PHEX: variants seen among roughly 807,000 people sequenced by gnomAD.
The protein encoded by PHEX is phosphate regulating endopeptidase X-linked, also known as phosphate-regulating neutral endopeptidase PHEX.
Under a neutral mutation model 68.0 loss-of-function variants are expected in PHEX, and 16 were observed. The ratio of observed to expected loss-of-function variants is 0.24; its 90% CI spans 0.16 to 0.36. The LOEUF (loss-of-function observed/expected upper bound fraction) is 0.36, where lower values mean the gene tolerates loss of function less well. PHEX is among the 10% of genes least tolerant of loss of function. PHEX has a pLI of 1.00. For missense variants in PHEX, 480 were observed against 575.5 expected (o/e 0.83, Z 1.70); for synonymous variants, 208 against 205.1 (o/e 1.01, Z -0.12).
At chrX:22,247,704 T>C in intron 21 of PHEX, 147 bp from the exon 22 acceptor site, 1 of 484,065 alleles carries the variant, frequency 2.1e-6, no homozygotes. Context: ...GGAAATTTAC[T>C]TAATCATTTT....
intron 5 of PHEX, among the ~76,000 whole-genome samples, chrX:22,087,130 A>G (rs1245425158): frequency 8.9e-6 from 1 of 112,239 alleles, no homozygotes; most frequent in Admixed American, 9.5e-5. Context: ...AATTATCTAA[A>G]CTTTTACAAT....
chrX:22,237,304 A>T (rs1569439131), intron 20 of PHEX, among the ~76,000 whole-genome samples: 1 of 112,199 alleles, frequency 8.9e-6, no homozygotes. Context: ...AAGGGATCGC[A>T]TTACAAAACA....
intron 20 of PHEX, among the ~76,000 whole-genome samples, chrX:22,241,418 AC>A (rs891252079): frequency 1.8e-5 from 2 of 111,824 alleles, no homozygotes; most frequent in African/African-American, 6.5e-5. Flanking sequence ...ACAAGAAATA[AC>A]TAAGATCAGA....
At chrX:22,128,494 A>G (rs1190870131) in intron 11 of PHEX, among the ~76,000 whole-genome samples, 1 of 111,102 alleles carries the variant, frequency 9.0e-6, no homozygotes, top group Non-Finnish European at 1.9e-5. Flanking sequence ...ACTCAGCCCC[A>G]TTTTAATAAT....
chrX:22,099,057 C>T lies in PHEX; in HGVS notation c.985C>T (p.His329Tyr), dbSNP rs1455114766. 3.3e-6 allele frequency: 4 copies of T among 1,207,990 alleles called. No homozygotes were observed. Among genetic ancestry groups the T allele is most frequent in the Non-Finnish European group, 4.5e-6 (4 of 892,142 alleles). ...GGTCATTGACACCAGACTCTACCCC[C>T]ATCTGAAAGACATCAGCCCCTCCGA... ...KKVIDTRLYP[H>Y]LKDISPSENV... is the part of the protein sequence containing the mutation. The change falls in exon 9 of 22, where the codon CAT becomes TAT. Residue 329 changes from histidine (H) to tyrosine (Y), a missense_variant. Transcript: ENST00000379374.
intron 5 of PHEX, among the ~76,000 whole-genome samples, chrX:22,084,301 A>T (rs1220379093): frequency 1.8e-5 from 2 of 111,260 alleles, no homozygotes; most frequent in Non-Finnish European, 3.8e-5. Flanking sequence ...ATGTCTATTG[A>T]TTTGTGTATG....
At chrX:22,177,377 A>G (rs1163072882) in intron 13 of PHEX, among the ~76,000 whole-genome samples, 2 of 111,267 alleles carry the variant, frequency 1.8e-5, no homozygotes, top group African/African-American at 6.5e-5. Flanking sequence ...CTTAATTTCC[A>G]TAGTAATATA....
At chrX:22,114,294 AT>A (rs1243522084) in intron 10 of PHEX, among the ~76,000 whole-genome samples, 163 bp from the exon 11 acceptor site, 5 of 110,864 alleles carry the variant, frequency 4.5e-5, no homozygotes, top group Non-Finnish European at 9.4e-5. Context: ...GACAAGCAGA[AT>A]TTTTTTCTTC....
At chrX:22,229,045 T>C (rs1391886089) in intron 20 of PHEX, among the ~76,000 whole-genome samples, 1 of 111,886 alleles carries the variant, frequency 8.9e-6, no homozygotes, top group Non-Finnish European at 1.9e-5. Context: ...TCCATGTCCC[T>C]GCAAAGAACA....
intron 3 of PHEX, among the ~76,000 whole-genome samples, chrX:22,057,173 C>T (rs1175117941): frequency 1.8e-5 from 2 of 111,872 alleles, no homozygotes; most frequent in African/African-American, 3.2e-5. Context: ...TTAAAAATTA[C>T]GTATGTGGTT....
intron 12 of PHEX, among the ~76,000 whole-genome samples, chrX:22,160,557 A>G (rs1984496798): frequency 1.8e-5 from 2 of 108,518 alleles, no homozygotes; most frequent in African/African-American, 6.7e-5. Flanking sequence ...CTCAAAAAAA[A>G]AAAAAAAAGA....
At chrX:22,044,425 T>A (rs1927418236) in intron 2 of PHEX, among the ~76,000 whole-genome samples, 1 of 111,741 alleles carries the variant, frequency 8.9e-6, no homozygotes, top group African/African-American at 3.2e-5. Context: ...ATAGTAGCAG[T>A]AAGTGGCCGG....
chrX:22,103,476 C>T (rs1287408013), intron 9 of PHEX, among the ~76,000 whole-genome samples: 1 of 110,526 alleles, frequency 9.0e-6, no homozygotes, highest in Non-Finnish European at 1.9e-5. Flanking sequence ...CCCCCTGAGT[C>T]CCCAAAGTCC....
intron 3 of PHEX, among the ~76,000 whole-genome samples, chrX:22,059,423 G>T (rs1928262755): frequency 8.9e-6 from 1 of 112,284 alleles, no homozygotes. Flanking sequence ...TATAGTAGTT[G>T]TCAGACTCAA....
intron 15 of PHEX, among the ~76,000 whole-genome samples, chrX:22,209,952 A>AAT (rs1556123718): frequency 6.6e-5 from 7 of 106,140 alleles, no homozygotes; most frequent in East Asian, 3.0e-4. Context: ...AAAAAAAAAA[A>AAT]AAATAAATAA....
chrX:22,220,881 T>A (rs1485211212), intron 17 of PHEX, among the ~76,000 whole-genome samples: 1 of 112,336 alleles, frequency 8.9e-6, no homozygotes, highest in East Asian at 2.8e-4. Flanking sequence ...TAACCCTGAA[T>A]ATAGAAGACA....
intron 3 of PHEX, among the ~76,000 whole-genome samples, chrX:22,063,724 C>T (rs753306246): frequency 4.4e-5 from 5 of 112,385 alleles, no homozygotes; most frequent in East Asian, 2.8e-4. Flanking sequence ...TCATCTCACC[C>T]GGAGGTTCAG....
At chrX:22,144,828 C>T (rs918587607) in intron 12 of PHEX, among the ~76,000 whole-genome samples, 129 of 109,547 alleles carry the variant, frequency 1.2e-3, no homozygotes, top group Non-Finnish European at 2.1e-3. Context: ...TCTTTTAAAG[C>T]TTTTTAAATT....
chrX:22,170,751 A>G (rs1933497779), intron 13 of PHEX, among the ~76,000 whole-genome samples: 1 of 112,155 alleles, frequency 8.9e-6, no homozygotes, highest in Non-Finnish European at 1.9e-5. Context: ...TACTCACAAT[A>G]TTTAGTTGAT....
Sources: allele counts gnomAD v4.1 joint callset (sites outside exome capture counted in the v4.1 genomes callset), GRCh38; gene constraint gnomAD v4.1.1; transcripts MANE v1.5; gene names NCBI Gene and HGNC (gene_info 2026-07-23, HGNC 2026-07-21).